The following ABTB3 variants were observed in gnomAD, a reference collection of about 807,000 sequenced individuals.
ABTB3 encodes the protein ankyrin repeat and BTB domain containing 3, also known as ankyrin repeat- and BTB/POZ domain-containing protein 3.
the ABTB3 span, among the ~76,000 whole-genome samples, chr12:107,507,327 A>G: frequency 6.6e-6 from 1 of 152,138 alleles, no homozygotes; most frequent in Admixed American, 6.5e-5. Flanking sequence ...CCAAGCCAGA[A>G]GAGATCCACA....
At chr12:107,596,213 A>G in the ABTB3 span, among the ~76,000 whole-genome samples, 1 of 152,244 alleles carries the variant, frequency 6.6e-6, no homozygotes, top group Non-Finnish European at 1.5e-5. Context: ...ATTCCAGTCA[A>G]GGATCCAATT....
the ABTB3 span, among the ~76,000 whole-genome samples, chr12:107,393,668 T>C: frequency 1.3e-5 from 2 of 152,160 alleles, no homozygotes; most frequent in African/African-American, 2.4e-5. Flanking sequence ...CAGTGGGTCA[T>C]GCCTGTAATC....
At chr12:107,397,844 T>C in the ABTB3 span, among the ~76,000 whole-genome samples, 3 of 152,320 alleles carry the variant, frequency 2.0e-5, no homozygotes, top group Non-Finnish European at 2.9e-5. Flanking sequence ...TTGGTCCCAA[T>C]ACCTTTGTTT....
chr12:107,450,548 G>T, the ABTB3 span, among the ~76,000 whole-genome samples: 1 of 152,164 alleles, frequency 6.6e-6, no homozygotes, highest in African/African-American at 2.4e-5. Context: ...TTATTAGGGA[G>T]GATTCAGTGG....
chr12:107,441,395 G>T, the ABTB3 span, among the ~76,000 whole-genome samples: 1 of 152,172 alleles, frequency 6.6e-6, no homozygotes, highest in African/African-American at 2.4e-5. Flanking sequence ...TCACTTATAA[G>T]TGGGAGCTGA....
the ABTB3 span, among the ~76,000 whole-genome samples, chr12:107,589,214 G>A: frequency 6.6e-6 from 1 of 152,220 alleles, no homozygotes; most frequent in Non-Finnish European, 1.5e-5. Context: ...TCTGGACCAA[G>A]AAGGTCAGTT....
At chr12:107,469,530 G>A in the ABTB3 span, among the ~76,000 whole-genome samples, 1 of 152,166 alleles carries the variant, frequency 6.6e-6, no homozygotes, top group Non-Finnish European at 1.5e-5. Context: ...CGGTTACTTA[G>A]GACAGTGCCC....
chr12:107,605,224 A>G, the ABTB3 span, among the ~76,000 whole-genome samples: 2 of 152,218 alleles, frequency 1.3e-5, no homozygotes, highest in Non-Finnish European at 2.9e-5. Context: ...ATCCATTGGC[A>G]CAGTGTGTGT....
chr12:107,515,699 C>T, the ABTB3 span, among the ~76,000 whole-genome samples: 13 of 152,148 alleles, frequency 8.5e-5, no homozygotes, highest in African/African-American at 3.1e-4. Context: ...AGGAGAATGA[C>T]ATGGCTGTCA....
chr12:107,542,349 C>T, the ABTB3 span, among the ~76,000 whole-genome samples: 89 of 149,952 alleles, frequency 5.9e-4, no homozygotes, highest in Non-Finnish European at 1.0e-3. Flanking sequence ...ATATCTTAGG[C>T]GGCTGTCTCC....
chr12:107,499,679 C>A, the ABTB3 span, among the ~76,000 whole-genome samples: 1 of 139,288 alleles, frequency 7.2e-6, no homozygotes, highest in South Asian at 2.2e-4. Context: ...CTGCCAGACA[C>A]TTTTTCTTTT....
the ABTB3 span, chr12:107,520,461 AT>A: frequency 6.2e-7 from 1 of 1,606,596 alleles, no homozygotes; most frequent in Non-Finnish European, 8.5e-7. Context: ...TTTTCCTTTC[AT>A]TCTCTGTCTC....
At chr12:107,362,139 A>G in the ABTB3 span, among the ~76,000 whole-genome samples, 1 of 152,240 alleles carries the variant, frequency 6.6e-6, no homozygotes, top group Non-Finnish European at 1.5e-5. Context: ...CAAACAGACT[A>G]AGAGTGGCTT....
the ABTB3 span, among the ~76,000 whole-genome samples, chr12:107,527,941 A>C: frequency 6.6e-6 from 1 of 152,092 alleles, no homozygotes; most frequent in South Asian, 2.1e-4. Context: ...TGACTTGATC[A>C]CTCTGATTTC....
At chr12:107,466,543 C>G in the ABTB3 span, among the ~76,000 whole-genome samples, 1 of 141,058 alleles carries the variant, frequency 7.1e-6, no homozygotes, top group Non-Finnish European at 1.6e-5. Context: ...TCAAAAGGAG[C>G]CTGGTTATTA....
the ABTB3 span, chr12:107,612,746 C>T: frequency 7.6e-6 from 12 of 1,576,076 alleles, no homozygotes; most frequent in African/African-American, 5.4e-5. Flanking sequence ...ACCTTGTAAA[C>T]GTTTTCCGTT....
the ABTB3 span, among the ~76,000 whole-genome samples, chr12:107,654,248 A>C: frequency 2.6e-5 from 4 of 152,156 alleles, no homozygotes; most frequent in African/African-American, 9.7e-5. Flanking sequence ...GTTGCTATGA[A>C]CATGGGTGTA....
the ABTB3 span, among the ~76,000 whole-genome samples, chr12:107,651,204 A>G: frequency 2.0e-5 from 3 of 152,156 alleles, no homozygotes; most frequent in Admixed American, 2.0e-4. Context: ...GGAGGCAGAC[A>G]TGACGTCACA....
chr12:107,369,920 G>T, the ABTB3 span, among the ~76,000 whole-genome samples: 1 of 152,076 alleles, frequency 6.6e-6, no homozygotes, highest in East Asian at 1.9e-4. Context: ...AGGAACCCAG[G>T]CTTGTTCCTG....
Sources: gnomAD v4.1 joint callset for allele counts (sites outside exome capture counted in the v4.1 genomes callset) on GRCh38, gnomAD v4.1.1 for gene constraint, MANE v1.5 for transcripts, NCBI Gene and HGNC (gene_info 2026-07-23, HGNC 2026-07-21) for gene names.